Variants in HYDIN observed in about 807,000 individuals in gnomAD.
HYDIN encodes HYDIN axonemal central pair apparatus protein.
A neutral mutation model predicts 403.9 loss-of-function variants in HYDIN; 132 were observed. That is an observed-to-expected ratio of 0.33 (90% CI 0.28 to 0.38). The LOEUF (loss-of-function observed/expected upper bound fraction) is 0.38, where lower values mean the gene tolerates loss of function less well. HYDIN is among the 10% of genes least tolerant of loss of function. The pLI, the probability that HYDIN is intolerant of heterozygous loss-of-function variation, is 1.00. For missense variants in HYDIN, 2,827 were observed against 5,009.5 expected (o/e 0.56, Z 13.15); for synonymous variants, 1,202 against 1,891.7 (o/e 0.64, Z 9.46).
At chr16:70,935,111 G>A (rs8044421) in intron 45 of HYDIN, among the ~76,000 whole-genome samples, 51 of 134,466 alleles carry the variant, frequency 3.8e-4, no homozygotes, top group Non-Finnish European at 7.3e-4. Flanking sequence ...CAAAATCACC[G>A]GGGAGAGGCA....
chr16:71,182,560 G>C (rs552238838), intron 3 of HYDIN, among the ~76,000 whole-genome samples: 21 of 152,076 alleles, frequency 1.4e-4, no homozygotes, highest in Non-Finnish European at 1.6e-4. Flanking sequence ...ACATATAAGT[G>C]GGGGTATGAA....
intron 19 of HYDIN, among the ~76,000 whole-genome samples, chr16:71,031,027 CGT>C (rs1568023265): frequency 6.7e-6 from 1 of 150,262 alleles, no homozygotes; most frequent in Non-Finnish European, 1.5e-5. Flanking sequence ...GGTGAAACCC[CGT>C]CTCTACTAAA....
At chr16:71,039,385 G>C (rs570498799) in intron 18 of HYDIN, among the ~76,000 whole-genome samples, 1 of 152,306 alleles carries the variant, frequency 6.6e-6, no homozygotes, top group Non-Finnish European at 1.5e-5. Context: ...CAGTGATAGG[G>C]ACGGGGGGCA....
intron 67 of HYDIN, among the ~76,000 whole-genome samples, chr16:70,863,685 G>A (rs2039550180): frequency 6.6e-6 from 1 of 152,002 alleles, no homozygotes; most frequent in South Asian, 2.1e-4. Flanking sequence ...AGACCAGCCT[G>A]GCCAACATGG....
intron 18 of HYDIN, among the ~76,000 whole-genome samples, chr16:71,053,893 C>CT (rs1259999681): frequency 4.6e-5 from 7 of 152,278 alleles, no homozygotes; most frequent in Non-Finnish European, 7.3e-5. Context: ...AAATATGTTT[C>CT]ATATACATAG....
chr16:70,846,079 G>A (rs2038182752), intron 75 of HYDIN, among the ~76,000 whole-genome samples: 1 of 149,732 alleles, frequency 6.7e-6, no homozygotes, highest in Non-Finnish European at 1.5e-5. Flanking sequence ...CTTGCCTTCT[G>A]CTAGCTTTTG....
At chr16:70,984,133 C>T (rs999733423) in intron 28 of HYDIN, among the ~76,000 whole-genome samples, 1 of 152,110 alleles carries the variant, frequency 6.6e-6, no homozygotes, top group African/African-American at 2.4e-5. Context: ...GATGCCAAGG[C>T]AGGCAGACAC....
At chr16:70,866,692 G>A (rs2039770587) in intron 66 of HYDIN, among the ~76,000 whole-genome samples, 1 of 150,370 alleles carries the variant, frequency 6.7e-6, no homozygotes. Context: ...ATAAAAGAAG[G>A]GATTAATAAA....
chr16:70,936,919 T>G (rs2077510964), intron 44 of HYDIN, among the ~76,000 whole-genome samples: 1 of 151,512 alleles, frequency 6.6e-6, no homozygotes, highest in Middle Eastern at 3.4e-3. Flanking sequence ...TCCTCCACCC[T>G]CTCTTTCCCT....
chr16:71,052,426 T>C (rs575490546), intron 18 of HYDIN, among the ~76,000 whole-genome samples: 34 of 152,042 alleles, frequency 2.2e-4, no homozygotes, highest in African/African-American at 7.0e-4. Context: ...ATAGGACGAA[T>C]GGCTTTCTTC....
intron 49 of HYDIN, 119 bp from the exon 50 acceptor site, chr16:70,907,610 ACAG>A (rs1261071776): frequency 2.5e-6 from 1 of 406,654 alleles, no homozygotes; most frequent in Non-Finnish European, 4.5e-6. Context: ...GCATCTGGAG[ACAG>A]AGTGACTCTT....
At chr16:70,991,984 C>T in intron 24 of HYDIN, 86 bp downstream of exon 24, 4 of 1,592,812 alleles carry the variant, frequency 2.5e-6, no homozygotes, top group Non-Finnish European at 3.4e-6. Context: ...GATGAATGAA[C>T]CAATGAGGGA....
chr16:71,005,423 C>T (rs60873989), intron 23 of HYDIN, among the ~76,000 whole-genome samples: 1,754 of 129,798 alleles, frequency 0.014, no homozygotes, highest in African/African-American at 0.021. Context: ...TTTTGCTATA[C>T]GATCACATGG....
chr16:70,838,722 G>A (rs79036099), intron 76 of HYDIN, among the ~76,000 whole-genome samples: 4,526 of 152,062 alleles, frequency 0.03, 103 homozygotes, highest in Admixed American at 0.059. Flanking sequence ...TGTAAAATGG[G>A]GGTAATGATA....
intron 1 of HYDIN, among the ~76,000 whole-genome samples, chr16:71,222,469 C>T (rs965488142): frequency 6.6e-6 from 1 of 152,028 alleles, no homozygotes; most frequent in Non-Finnish European, 1.5e-5. Flanking sequence ...TGACATAATA[C>T]TGGAAGTCCT....
chr16:71,199,780 G>T (rs549346086), intron 1 of HYDIN, among the ~76,000 whole-genome samples: 2 of 152,134 alleles, frequency 1.3e-5, no homozygotes, highest in South Asian at 2.1e-4. Flanking sequence ...ATTCAGAAAA[G>T]GAATTTTTTT....
intron 18 of HYDIN, among the ~76,000 whole-genome samples, chr16:71,034,343 G>A (rs1197443909): frequency 6.6e-6 from 1 of 152,046 alleles, no homozygotes; most frequent in Non-Finnish European, 1.5e-5. Context: ...ACTTAGGTCA[G>A]AGTTGCACTG....
intron 23 of HYDIN, among the ~76,000 whole-genome samples, chr16:71,002,579 T>A: frequency 6.6e-6 from 1 of 151,928 alleles, no homozygotes; most frequent in Non-Finnish European, 1.5e-5. Flanking sequence ...TCTTCCTTAT[T>A]CAGAGTCAGA....
At chr16:71,179,349 A>C (rs1321659566) in intron 3 of HYDIN, among the ~76,000 whole-genome samples, 1 of 152,080 alleles carries the variant, frequency 6.6e-6, no homozygotes, top group East Asian at 1.9e-4. Context: ...GAAAAAAAAA[A>C]AACAAACCTC....
Sources: gnomAD v4.1 joint callset for allele counts (sites outside exome capture counted in the v4.1 genomes callset) on GRCh38, gnomAD v4.1.1 for gene constraint, MANE v1.5 for transcripts, NCBI Gene and HGNC (gene_info 2026-07-23, HGNC 2026-07-21) for gene names.